The following DOC2B variants were observed in gnomAD, a reference collection of about 807,000 sequenced individuals.
The protein encoded by DOC2B is double C2 domain beta.
Under a neutral mutation model 28.9 loss-of-function variants are expected in DOC2B, and 21 were observed. The observed-to-expected ratio is 0.73, with a 90% confidence interval of 0.52 to 1.05. The LOEUF (loss-of-function observed/expected upper bound fraction) is 1.05. Ranked by LOEUF, DOC2B falls within the 50% of genes least tolerant of loss-of-function variation. The pLI is 0.00. For synonymous variants in DOC2B, 194 were observed against 178.1 expected (o/e 1.09, Z -0.71); for missense variants, 384 against 421.1 (o/e 0.91, Z 0.77).
chr17:176,411 A>G (rs1259089228), intron 1 of DOC2B, among the ~76,000 whole-genome samples: 1 of 151,622 alleles, frequency 6.6e-6, no homozygotes, highest in Non-Finnish European at 1.5e-5. Context: ...GCGGGGGGGT[A>G]GGTCTCACTA....
At chr17:155,010 C>T (rs917724602) in intron 6 of DOC2B, among the ~76,000 whole-genome samples, 3 of 152,020 alleles carry the variant, frequency 2.0e-5, no homozygotes, top group African/African-American at 4.8e-5. Flanking sequence ...ATTACAAGCA[C>T]GAGCCACTGC....
At chr17:174,212 G>A (rs192677366) in intron 1 of DOC2B, among the ~76,000 whole-genome samples, 237 of 152,272 alleles carry the variant, frequency 1.6e-3, no homozygotes, top group African/African-American at 5.5e-3. Context: ...GCAGTGTGGG[G>A]TGCAAGACCT....
At chr17:148,711 T>C (rs2040041512) in intron 7 of DOC2B, among the ~76,000 whole-genome samples, 1 of 152,164 alleles carries the variant, frequency 6.6e-6, no homozygotes, top group South Asian at 2.1e-4. Context: ...AAGGCCCCTC[T>C]GCTCTTCTTT....
chr17:177,582 T>C (rs1174155383), intron 1 of DOC2B, among the ~76,000 whole-genome samples: 1 of 152,202 alleles, frequency 6.6e-6, no homozygotes, highest in Non-Finnish European at 1.5e-5. Context: ...TGCCAGAGCT[T>C]TCCATCTGGG....
At position 181,350 on chromosome 17, in the gene DOC2B, G is replaced by T; in HGVS notation, c.130C>A (p.Leu44Met). 8.8e-7 allele frequency: 1 copy of T among 1,130,820 alleles called. No individual in the cohort carries two copies. 70.0% of individuals were successfully genotyped at this position (1,130,820 alleles called of 1,614,324 possible). ...SDYFPRFPRG[L>M]PPDAGPRAAA... ...GCTCGGGGCCCGGCGTCCGGGGGCA[G>T]GCCCCGCGGGAAGCGGGGGAAGTAG... The change falls in exon 1 of 9, where the codon CTG (leucine) becomes ATG (methionine). Residue 44 changes from leucine to methionine, a missense_variant. Leu to Met is a conservative substitution (Grantham distance 15, BLOSUM62 2). Coordinates refer to ENST00000613549, the MANE Select transcript of DOC2B (RefSeq NM_003585.5). This position sits in a 1 kb window ranked among gnomAD's most constrained non-coding sequence, Gnocchi z 7.0.
At chr17:158,386 T>G (rs1459301708) in intron 5 of DOC2B, among the ~76,000 whole-genome samples, 2 of 152,114 alleles carry the variant, frequency 1.3e-5, no homozygotes, top group African/African-American at 4.8e-5. Flanking sequence ...CACCTCCTTT[T>G]GCCCACAACC....
chr17:175,520 G>A (rs1271627883), intron 1 of DOC2B, among the ~76,000 whole-genome samples: 1 of 152,220 alleles, frequency 6.6e-6, no homozygotes, highest in Non-Finnish European at 1.5e-5. Context: ...TTCAGGTCAG[G>A]CCTACCTGGG....
intron 1 of DOC2B, among the ~76,000 whole-genome samples, chr17:178,232 C>T (rs939681029): frequency 2.6e-5 from 4 of 152,228 alleles, no homozygotes; most frequent in African/African-American, 9.6e-5. Context: ...GAATAGGAAA[C>T]GGGCCTTGAT....
At chr17:148,300 T>C in intron 7 of DOC2B, 31 bp from the exon 8 acceptor site, 1 of 398,738 alleles carries the variant, frequency 2.5e-6, no homozygotes, top group Non-Finnish European at 4.4e-6. Context: ...TTAGGGCTGA[T>C]GCCTGGGCCT....
chr17:162,298 A>C, intron 3 of DOC2B, 108 bp from the exon 4 acceptor site: 1 of 808,394 alleles, frequency 1.2e-6, no homozygotes, highest in South Asian at 1.5e-5. Context: ...ATGTGTTATC[A>C]ACATGGCCAA....
intron 7 of DOC2B, 43 bp downstream of exon 7, chr17:149,068 G>A: frequency 5.0e-6 from 2 of 398,890 alleles, no homozygotes; most frequent in Non-Finnish European, 8.8e-6. Context: ...ACTGCTGTGG[G>A]GCAGAGGAAT....
At chr17:176,765 A>G (rs1388664584) in intron 1 of DOC2B, among the ~76,000 whole-genome samples, 2 of 152,188 alleles carry the variant, frequency 1.3e-5, no homozygotes, top group African/African-American at 4.8e-5. Flanking sequence ...GGAGCGCTCC[A>G]ATCACATGAC....
intron 3 of DOC2B, among the ~76,000 whole-genome samples, chr17:162,575 C>T (rs1343524013): frequency 6.6e-6 from 1 of 152,206 alleles, no homozygotes; most frequent in African/African-American, 2.4e-5. Flanking sequence ...GTGGGCTCCC[C>T]GGGCTCCAGA....
chr17:170,149 G>A (rs1214990142), intron 2 of DOC2B, among the ~76,000 whole-genome samples: 1 of 152,218 alleles, frequency 6.6e-6, no homozygotes, highest in East Asian at 1.9e-4. Context: ...AGGGAAAGGA[G>A]GAAGGGTCTA....
intron 3 of DOC2B, among the ~76,000 whole-genome samples, chr17:163,019 C>T (rs369169173): frequency 2.0e-5 from 3 of 152,208 alleles, no homozygotes; most frequent in African/African-American, 7.2e-5. Flanking sequence ...GCTTCCAATT[C>T]CAGCTCTGTG....
intron 5 of DOC2B, among the ~76,000 whole-genome samples, chr17:157,047 G>C (rs748623645): frequency 6.6e-6 from 1 of 152,232 alleles, no homozygotes; most frequent in Non-Finnish European, 1.5e-5. Flanking sequence ...CCTAAGGACA[G>C]AGCTGCATGG....
At chr17:152,171 G>T (rs181198927) in intron 6 of DOC2B, among the ~76,000 whole-genome samples, 184 of 152,234 alleles carry the variant, frequency 1.2e-3, no homozygotes, top group Middle Eastern at 3.4e-3. Flanking sequence ...ACCCCTTCTG[G>T]TTATACATAA....
At chr17:180,371 C>G (rs987916152) in intron 1 of DOC2B, among the ~76,000 whole-genome samples, 2 of 152,094 alleles carry the variant, frequency 1.3e-5, no homozygotes, top group African/African-American at 4.8e-5. Flanking sequence ...CCCGGGGGCT[C>G]AGGGCTCAGT....
chr17:177,077 T>A (rs1194989687), intron 1 of DOC2B, among the ~76,000 whole-genome samples: 5 of 143,624 alleles, frequency 3.5e-5, no homozygotes, highest in African/African-American at 7.8e-5. Flanking sequence ...TCAAATACTT[T>A]AAAAAAAACA....
Sources: allele counts gnomAD v4.1 joint callset (sites outside exome capture counted in the v4.1 genomes callset), GRCh38; gene constraint gnomAD v4.1.1; non-coding constraint Gnocchi (gnomAD v3.1); transcripts MANE v1.5; gene names NCBI Gene and HGNC (gene_info 2026-07-23, HGNC 2026-07-21).